Variants in PDE1C observed in about 807,000 individuals in gnomAD.
PDE1C encodes dual specificity calcium/calmodulin-dependent 3',5'-cyclic nucleotide phosphodiesterase 1C.
PDE1C carries 62 observed loss-of-function variants against 93.1 expected under a neutral mutation model. That is an observed-to-expected ratio of 0.67 (90% CI 0.54 to 0.82). The LOEUF is 0.82. PDE1C is among the 40% of genes least tolerant of loss of function. The probability of loss-of-function intolerance (pLI) is 0.00; values close to 1 mark genes in which losing one functional copy is unlikely to be tolerated. For missense variants in PDE1C, 742 were observed against 884.6 expected (o/e 0.84, Z 2.04); for synonymous variants, 325 against 310.1 (o/e 1.05, Z -0.50).
chr7:31,647,910 A>C, the PDE1C span, among the ~76,000 whole-genome samples: 1 of 152,086 alleles, frequency 6.6e-6, no homozygotes, highest in African/African-American at 2.4e-5. Context: ...TAGGGTAATG[A>C]TTTGTTGATA....
intron 1 of PDE1C, among the ~76,000 whole-genome samples, chr7:32,212,866 C>G (rs765739805): frequency 1.6e-4 from 24 of 152,166 alleles, no homozygotes; most frequent in Non-Finnish European, 3.4e-4. Context: ...GCATCAGAAC[C>G]ACCGAGCAGG....
intron 3 of PDE1C, among the ~76,000 whole-genome samples, chr7:32,168,090 C>CAATAAATA (rs148238877): frequency 1.3e-5 from 2 of 151,852 alleles, no homozygotes; most frequent in African/African-American, 4.8e-5. Flanking sequence ...TTAAGGGTAC[C>CAATAAATA]AATAAATAAA....
intron 1 of PDE1C, among the ~76,000 whole-genome samples, chr7:32,060,003 G>A (rs41447747): frequency 0.079 from 12,088 of 152,148 alleles, 552 homozygotes; most frequent in Non-Finnish European, 0.09. Context: ...ATAAACATCA[G>A]TAAGAAAAGC....
chr7:32,311,083 C>T (rs1302393391), intron 1 of PDE1C, among the ~76,000 whole-genome samples: 1 of 152,148 alleles, frequency 6.6e-6, no homozygotes, highest in Admixed American at 6.6e-5. Context: ...CACCACCGAT[C>T]CCACAGAAAT....
At chr7:32,264,083 T>C (rs1299693376) in intron 1 of PDE1C, among the ~76,000 whole-genome samples, 1 of 152,210 alleles carries the variant, frequency 6.6e-6, no homozygotes, top group African/African-American at 2.4e-5. Context: ...GATTCTTGCC[T>C]GATCTGATCT....
intron 2 of PDE1C, among the ~76,000 whole-genome samples, chr7:32,001,920 G>T (rs184500407): frequency 1.3e-5 from 2 of 152,102 alleles, no homozygotes; most frequent in Non-Finnish European, 2.9e-5. Flanking sequence ...TTAGCTGAGC[G>T]TTGTGGCAGG....
intron 1 of PDE1C, among the ~76,000 whole-genome samples, chr7:32,355,201 A>G (rs893110763): frequency 1.3e-5 from 2 of 152,216 alleles, no homozygotes; most frequent in Non-Finnish European, 2.9e-5. Context: ...GTGAAAGTCA[A>G]TCTCCGCGAA....
intron 3 of PDE1C, among the ~76,000 whole-genome samples, chr7:32,169,587 G>T (rs1022457939): frequency 4.6e-5 from 7 of 152,120 alleles, no homozygotes; most frequent in Non-Finnish European, 7.4e-5. Context: ...CTTAACTACT[G>T]ATAAGATCTT....
the PDE1C span, among the ~76,000 whole-genome samples, chr7:31,660,895 GTA>G: frequency 0.045 from 6,853 of 151,606 alleles, 493 homozygotes; most frequent in African/African-American, 0.15. Flanking sequence ...ATATGTATGT[GTA>G]TATATGTGTA....
chr7:32,050,505 C>A (rs1171334674), intron 2 of PDE1C, among the ~76,000 whole-genome samples: 2 of 151,818 alleles, frequency 1.3e-5, no homozygotes, highest in Non-Finnish European at 2.9e-5. Context: ...CAAGATGAAC[C>A]AATGAATGAA....
At chr7:32,276,990 T>C (rs1050282873) in intron 1 of PDE1C, among the ~76,000 whole-genome samples, 20 of 152,166 alleles carry the variant, frequency 1.3e-4, no homozygotes, top group African/African-American at 4.3e-4. Flanking sequence ...CAGTGGCTCA[T>C]GCCTGTAATC....
the PDE1C span, among the ~76,000 whole-genome samples, chr7:31,728,814 C>G: frequency 6.6e-6 from 1 of 152,118 alleles, no homozygotes; most frequent in African/African-American, 2.4e-5. Flanking sequence ...GACATTTGAG[C>G]TTTGTTTTAG....
chr7:31,690,287 A>C, the PDE1C span, among the ~76,000 whole-genome samples: 3 of 152,236 alleles, frequency 2.0e-5, no homozygotes, highest in African/African-American at 7.2e-5. Context: ...TTGAATTATG[A>C]CTACAATGTG....
At chr7:32,378,785 C>T (rs1023003128) in intron 1 of PDE1C, among the ~76,000 whole-genome samples, 3 of 152,104 alleles carry the variant, frequency 2.0e-5, no homozygotes, top group Non-Finnish European at 4.4e-5. Flanking sequence ...ATTTCCTAGC[C>T]ACCTACACCC....
At chr7:32,159,924 C>T (rs776380723) in intron 3 of PDE1C, among the ~76,000 whole-genome samples, 12 of 152,084 alleles carry the variant, frequency 7.9e-5, no homozygotes, top group Non-Finnish European at 1.5e-4. Context: ...CTCCTGAAGC[C>T]AAATCTCAGA....
At chr7:32,117,778 C>A (rs1799065753) in intron 3 of PDE1C, among the ~76,000 whole-genome samples, 1 of 152,104 alleles carries the variant, frequency 6.6e-6, no homozygotes. Flanking sequence ...TCCTGAATGA[C>A]TAAAGAAATT....
At chr7:32,401,729 T>A (rs1359905386) in intron 1 of PDE1C, among the ~76,000 whole-genome samples, 1 of 152,138 alleles carries the variant, frequency 6.6e-6, no homozygotes, top group Non-Finnish European at 1.5e-5. Context: ...TTTACCAGCC[T>A]AAAAGAAGCA....
At chr7:32,339,371 C>T (rs1783700915) in intron 1 of PDE1C, among the ~76,000 whole-genome samples, 1 of 152,038 alleles carries the variant, frequency 6.6e-6, no homozygotes, top group African/African-American at 2.4e-5. Context: ...TACGACGGAG[C>T]TGTTGTTTAA....
intron 2 of PDE1C, among the ~76,000 whole-genome samples, chr7:31,951,541 T>C (rs1489458021): frequency 6.6e-6 from 1 of 152,174 alleles, no homozygotes; most frequent in African/African-American, 2.4e-5. Flanking sequence ...TGAAGCTAGT[T>C]CTTGATTTGC....
Sources: gnomAD v4.1 joint callset for allele counts (sites outside exome capture counted in the v4.1 genomes callset) on GRCh38, gnomAD v4.1.1 for gene constraint, MANE v1.5 for transcripts, NCBI Gene and HGNC (gene_info 2026-07-23, HGNC 2026-07-21) for gene names.